TTBK2: variants seen among roughly 807,000 people sequenced by gnomAD.
The protein encoded by TTBK2 is tau-tubulin kinase 2.
A neutral mutation model predicts 110.8 loss-of-function variants in TTBK2; 28 were observed. That is an observed-to-expected ratio of 0.25 (90% CI 0.19 to 0.35). The LOEUF is 0.35. Ranked by LOEUF, TTBK2 falls within the 10% of genes least tolerant of loss-of-function variation. The pLI is 1.00. For synonymous variants in TTBK2, 532 were observed against 527.3 expected (o/e 1.01, Z -0.12); for missense variants, 1,369 against 1,500.3 (o/e 0.91, Z 1.45).
chr15:42,827,475 A>G (rs531998833), intron 6 of TTBK2, among the ~76,000 whole-genome samples: 1 of 152,340 alleles, frequency 6.6e-6, no homozygotes, highest in East Asian at 1.9e-4. Flanking sequence ...TGGATTTAAC[A>G]GAAAAAGATT....
At chr15:42,875,379 G>A (rs1391737324) in intron 2 of TTBK2, among the ~76,000 whole-genome samples, 1 of 152,054 alleles carries the variant, frequency 6.6e-6, no homozygotes, top group Admixed American at 6.6e-5. Context: ...TCCAACGATA[G>A]GCACAACAAT....
At chr15:42,918,251 G>C (rs1253582996) in intron 1 of TTBK2, among the ~76,000 whole-genome samples, 2 of 151,962 alleles carry the variant, frequency 1.3e-5, no homozygotes, top group Non-Finnish European at 1.5e-5. Context: ...GTTTTTTGTA[G>C]AGACAGGATC....
chr15:42,821,171 T>C (rs1369862782), intron 6 of TTBK2, among the ~76,000 whole-genome samples: 1 of 152,180 alleles, frequency 6.6e-6, no homozygotes, highest in Non-Finnish European at 1.5e-5. Flanking sequence ...AAGGGAAAAT[T>C]AAGAATGTTC....
intron 3 of TTBK2, among the ~76,000 whole-genome samples, chr15:42,846,810 A>C (rs1220417682): frequency 1.3e-5 from 2 of 152,166 alleles, no homozygotes; most frequent in African/African-American, 4.8e-5. Flanking sequence ...ACCAACCTCC[A>C]GGAAAGGTGA....
chr15:42,844,029 C>G (rs1307920534), intron 3 of TTBK2, among the ~76,000 whole-genome samples: 2 of 152,106 alleles, frequency 1.3e-5, no homozygotes, highest in Non-Finnish European at 2.9e-5. Context: ...GTCAAATTCT[C>G]AGGGAGGCAG....
intron 13 of TTBK2, among the ~76,000 whole-genome samples, chr15:42,774,360 T>G (rs2140750524): frequency 6.6e-6 from 1 of 152,290 alleles, no homozygotes; most frequent in East Asian, 1.9e-4. Flanking sequence ...TTTTCATGGC[T>G]TTGCTTGGCC....
intron 13 of TTBK2, among the ~76,000 whole-genome samples, chr15:42,765,736 G>A (rs145903763): frequency 0.012 from 1,895 of 152,214 alleles, 42 homozygotes; most frequent in East Asian, 0.043. Context: ...TAGCAAGGCA[G>A]GCCAACATTC....
At chr15:42,915,052 T>C (rs1271947761) in intron 1 of TTBK2, among the ~76,000 whole-genome samples, 1 of 152,248 alleles carries the variant, frequency 6.6e-6, no homozygotes, top group East Asian at 1.9e-4. Flanking sequence ...AATCAAGGAA[T>C]GAGGCTACTG....
intron 1 of TTBK2, among the ~76,000 whole-genome samples, chr15:42,883,439 G>A (rs916760839): frequency 8.6e-5 from 13 of 151,170 alleles, no homozygotes; most frequent in Non-Finnish European, 1.5e-4. Flanking sequence ...TCAAGATTGC[G>A]GTTAGGTTTC....
At chr15:42,841,385 T>A (rs866916171) in intron 3 of TTBK2, among the ~76,000 whole-genome samples, 2 of 152,080 alleles carry the variant, frequency 1.3e-5, no homozygotes, top group South Asian at 4.2e-4. Flanking sequence ...GATTTTTGTA[T>A]TTTTTTGTAG....
At chr15:42,763,193 T>TATATATATATATATATA (rs1567009144) in intron 13 of TTBK2, among the ~76,000 whole-genome samples, 1 of 3,374 alleles carries the variant, frequency 3.0e-4, no homozygotes, top group Admixed American at 6.0e-3. Context: ...TATATATATA[T>TATATATATATATATATA]TTTTTTTTTT....
chr15:42,774,986 T>G (rs1889836331), intron 13 of TTBK2, 149 bp downstream of exon 13: 1 of 712,280 alleles, frequency 1.4e-6, no homozygotes, highest in Non-Finnish European at 2.3e-6. Context: ...ATTGGAGGGT[T>G]GACTATAGAA....
At chr15:42,765,916 A>G (rs1321363577) in intron 13 of TTBK2, among the ~76,000 whole-genome samples, 1 of 152,202 alleles carries the variant, frequency 6.6e-6, no homozygotes. Flanking sequence ...CTAACAGCAG[A>G]TCTCTTGGCA....
intron 6 of TTBK2, among the ~76,000 whole-genome samples, chr15:42,820,074 A>G (rs1892226043): frequency 6.6e-6 from 1 of 152,228 alleles, no homozygotes; most frequent in Non-Finnish European, 1.5e-5. Context: ...TGCCATAGAA[A>G]GACTGAAATA....
intron 13 of TTBK2, 89 bp from the exon 14 acceptor site, chr15:42,753,336 T>C (rs2061896875): frequency 7.4e-7 from 1 of 1,350,420 alleles, no homozygotes; most frequent in African/African-American, 1.5e-5. Flanking sequence ...CCAATTCTAA[T>C]TTATAGGAAG....
At chr15:42,805,109 C>T (rs952970484) in intron 9 of TTBK2, among the ~76,000 whole-genome samples, 1 of 152,168 alleles carries the variant, frequency 6.6e-6, no homozygotes, top group Non-Finnish European at 1.5e-5. Flanking sequence ...ACATTGACTG[C>T]CTACTGTCCT....
intron 1 of TTBK2, among the ~76,000 whole-genome samples, chr15:42,908,563 A>C (rs1392671119): frequency 6.6e-6 from 1 of 152,230 alleles, no homozygotes; most frequent in African/African-American, 2.4e-5. Context: ...ATCATAGTTA[A>C]TATCAAAGAA....
At chr15:42,874,031 C>T (rs1391295089) in intron 2 of TTBK2, among the ~76,000 whole-genome samples, 1 of 152,112 alleles carries the variant, frequency 6.6e-6, no homozygotes, top group Admixed American at 6.6e-5. Flanking sequence ...ATCACTTTAC[C>T]AGGCCATACC....
At chr15:42,839,211 T>C (rs1320587504) in intron 4 of TTBK2, among the ~76,000 whole-genome samples, 1 of 152,228 alleles carries the variant, frequency 6.6e-6, no homozygotes, top group Non-Finnish European at 1.5e-5. Context: ...TGGTTTTCTA[T>C]TCCTGCATTA....
Sources: gnomAD v4.1 joint callset for allele counts (sites outside exome capture counted in the v4.1 genomes callset) on GRCh38, gnomAD v4.1.1 for gene constraint, MANE v1.5 for transcripts, NCBI Gene and HGNC (gene_info 2026-07-23, HGNC 2026-07-21) for gene names.